Variants in HCN4 observed in about 807,000 individuals in gnomAD.
The protein encoded by HCN4 is hyperpolarization activated cyclic nucleotide gated potassium channel 4.
In HCN4, 29 loss-of-function variants were observed where a neutral mutation model predicts 76.9. The ratio of observed to expected loss-of-function variants is 0.38; its 90% CI spans 0.28 to 0.51. The LOEUF (loss-of-function observed/expected upper bound fraction) is 0.51, where lower values mean the gene tolerates loss of function less well. Ranked by LOEUF, HCN4 falls within the 20% of genes least tolerant of loss-of-function variation. The pLI, the probability that HCN4 is intolerant of heterozygous loss-of-function variation, is 0.90. For synonymous variants in HCN4, 772 were observed against 762.5 expected, an observed-to-expected ratio of 1.01 and a Z score of -0.21; for missense variants, 1,416 against 1,715.2, an observed-to-expected ratio of 0.83 and a Z score of 3.08.
intron 1 of HCN4, among the ~76,000 whole-genome samples, chr15:73,345,760 G>T (rs375679533): frequency 6.6e-6 from 1 of 152,132 alleles, no homozygotes; most frequent in East Asian, 1.9e-4. Flanking sequence ...AAAAACAAAA[G>T]AAAACAAATT....
intron 2 of HCN4, among the ~76,000 whole-genome samples, chr15:73,341,394 G>A (rs145756278): frequency 0.069 from 10,503 of 152,000 alleles, 430 homozygotes; most frequent in Middle Eastern, 0.075. Flanking sequence ...CACCCATCTC[G>A]GCCTCCCAAA....
chr15:73,366,637 G>A (rs995968054), intron 1 of HCN4, among the ~76,000 whole-genome samples: 32 of 152,178 alleles, frequency 2.1e-4, no homozygotes, highest in African/African-American at 7.2e-4. Context: ...AGTGGCATCC[G>A]ACTCAAGTGA....
intron 1 of HCN4, among the ~76,000 whole-genome samples, chr15:73,359,061 G>T (rs575599617): frequency 6.6e-6 from 1 of 152,196 alleles, no homozygotes; most frequent in Non-Finnish European, 1.5e-5. Context: ...TGAAAGCCTC[G>T]TTCACGCAGA....
rs1473914438 is a variant in HCN4 at position 73,323,591 on chromosome 15, A to G, written c.2502T>C (p.Pro834=). 6.2e-7 allele frequency: 1 copy of G among 1,601,664 alleles called. No homozygotes were observed. Among genetic ancestry groups the G allele is most frequent in the Non-Finnish European group, 8.5e-7 (1 of 1,179,698 alleles). ...CGGGCGAGGCGGAGCCCAGCGCAGA[A>G]GGGATCAGGGACTGCAGCCGTTTCA... ...RHLKRLQSLI[P]SALGSASPAS... The change falls in exon 8 of 8, where the codon CCT becomes CCC. Residue 834 remains proline (P), a synonymous_variant. Coordinates refer to ENST00000261917, the MANE Select transcript of HCN4 (RefSeq NM_005477.3).
At chr15:73,332,948 A>G (rs1177487836) in intron 2 of HCN4, among the ~76,000 whole-genome samples, 1 of 152,380 alleles carries the variant, frequency 6.6e-6, no homozygotes, top group Admixed American at 6.5e-5. Flanking sequence ...TAAATTATAC[A>G]TATAAAGTGC....
intron 1 of HCN4, among the ~76,000 whole-genome samples, chr15:73,352,735 A>G (rs2043060445): frequency 6.6e-6 from 1 of 152,156 alleles, no homozygotes; most frequent in East Asian, 1.9e-4. Context: ...AGGGGATTTT[A>G]GAAGTTCTCC....
intron 1 of HCN4, among the ~76,000 whole-genome samples, chr15:73,349,089 C>T (rs2043041617): frequency 6.6e-6 from 1 of 152,028 alleles, no homozygotes; most frequent in Non-Finnish European, 1.5e-5. Context: ...TAGCTGCTTC[C>T]ATGATGGCTT....
rs554029244 is a variant in HCN4, at chr15:73,340,237, G to A, written c.1209+3148C>T. Among the ~76,000 whole-genome samples the A allele has an allele frequency of 5.3e-5, 8 of 152,262 alleles. No homozygotes were observed. The South Asian group carries it at 6.2e-4, about 12-fold the overall frequency. ...AAAGACAAGCTTAGCTCCAACCCACGACTCACCCTGTCCAGCCACTGGCAT... is the reference window on the plus strand; with the variant it reads ...AAAGACAAGCTTAGCTCCAACCCACAACTCACCCTGTCCAGCCACTGGCAT... On this transcript the variant is annotated intron_variant, in intron 2 of 7. Coordinates refer to ENST00000261917, the MANE Select transcript of HCN4 (RefSeq NM_005477.3).
Position 73,359,257 on chromosome 15 carries a change from C to T in HCN4, c.785+8229G>A, listed in dbSNP as rs537961176. 2.0e-5 allele frequency among the ~76,000 whole-genome samples: 3 copies of T among 152,294 alleles called. No individual in the cohort carries two copies. The South Asian group carries it at 6.2e-4, about 32-fold the overall frequency. On this transcript the variant is annotated intron_variant, in intron 1 of 7. Transcript: ENST00000261917. The stretch of plus-strand genomic sequence containing the variant: ...GTCCCCCTATCCAGCCGGCACGGCT[C>T]GAGGTCCAGCCCTGACCCTGAGGGC...
rs2042853779 is a variant in HCN4 at position 73,320,955 on chromosome 15, C to A, written c.*1526G>T. On this transcript the variant is annotated 3_prime_UTR_variant, in exon 8 of 8. Coordinates refer to ENST00000261917, the MANE Select transcript of HCN4 (RefSeq NM_005477.3). ...AGTCTTGGAGCCCTCAGCCAAAGCT[C>A]CCTGGGCTCTCACATAGTTTGCTGG... 1 of 152,216 alleles carries A rather than the reference C, an allele frequency of 6.6e-6. No individual in the cohort carries two copies. Among genetic ancestry groups the A allele is most frequent in the Non-Finnish European group, 1.5e-5 (1 of 68,050 alleles). 9.4% of individuals were successfully genotyped at this position (152,216 alleles called of 1,614,324 possible). A position where few individuals can be genotyped will look rare whatever the true frequency, so the allele number is the denominator to read the frequency against.
intron 1 of HCN4, among the ~76,000 whole-genome samples, chr15:73,358,224 G>A (rs1047240090): frequency 5.9e-5 from 9 of 152,158 alleles, no homozygotes; most frequent in Non-Finnish European, 1.2e-4. Context: ...CCAGGCCCCA[G>A]GGGCAGTCTC....
At chr15:73,345,205 C>T (rs962639115) in intron 1 of HCN4, among the ~76,000 whole-genome samples, 1 of 152,160 alleles carries the variant, frequency 6.6e-6, no homozygotes, top group Non-Finnish European at 1.5e-5. Context: ...GTTTGCCAGA[C>T]TCAAAATGGG....
rs1447571299 is a variant in HCN4 at position 73,323,423 on chromosome 15, G to A, written c.2670C>T (p.Pro890=). The change falls in exon 8 of 8, where the codon CCC becomes CCT. Residue 890 remains proline (P), a synonymous_variant. Transcript: ENST00000261917. Reference sequence around the variant, plus strand: ...CGCCAGCTGATGGTGTGGGAGCCGAGGGGGAGCCACAGGCCCCGGGGGGTG... The same window carrying A: ...CGCCAGCTGATGGTGTGGGAGCCGAAGGGGAGCCACAGGCCCCGGGGGGTG... ...SSPPPGACGS[P]SAPTPSAGVA... is the part of the protein sequence containing the mutation. 12 of 1,607,574 alleles carry A rather than the reference G, an allele frequency of 7.5e-6. No homozygotes were observed. Among genetic ancestry groups the A allele is most frequent in the Non-Finnish European group, 1.0e-5 (12 of 1,177,686 alleles).
intron 1 of HCN4, among the ~76,000 whole-genome samples, chr15:73,357,370 G>A (rs79754742): frequency 0.011 from 1,668 of 152,188 alleles, 26 homozygotes; most frequent in African/African-American, 0.037. Flanking sequence ...CACGTTGAAC[G>A]GCTTTTCCTG....
rs780937713 is a variant in HCN4 at position 73,367,544 on chromosome 15, C to G, written c.727G>C (p.Glu243Gln). ...CCGGCCGACTTGACCCTCTCCTGTTCGCGCTCCACGGCTTTCTGGCTGCCG... is the reference window on the plus strand; with the variant it reads ...CCGGCCGACTTGACCCTCTCCTGTTGGCGCTCCACGGCTTTCTGGCTGCCG... ...MFGSQKAVER[E>Q]QERVKSAGFW... The change falls in exon 1 of 8, where the codon GAA becomes CAA. Residue 243 changes from glutamate (E) to glutamine (Q), a missense_variant. This residue lies in a region of HCN4 where 52 missense variants were observed against 129.1 expected (regional missense o/e 0.40). Transcript: ENST00000261917. This position sits in a 1 kb window ranked among gnomAD's most constrained non-coding sequence, Gnocchi z 7.5. The G allele has an allele frequency of 6.2e-7, 1 of 1,614,084 alleles. No individual in the cohort carries two copies. The highest frequency in any genetic ancestry group is 1.7e-5 in the Admixed American group (1 of 60,030).
At chr15:73,333,209 T>C (rs1171450129) in intron 2 of HCN4, among the ~76,000 whole-genome samples, 1 of 152,168 alleles carries the variant, frequency 6.6e-6, no homozygotes, top group African/African-American at 2.4e-5. Flanking sequence ...GCTGCCATGC[T>C]GGGGTCCCCT....
chr15:73,326,212 G>A (rs1406116962), intron 4 of HCN4, among the ~76,000 whole-genome samples: 1 of 152,026 alleles, frequency 6.6e-6, no homozygotes, highest in East Asian at 1.9e-4. Context: ...TATTGATTAG[G>A]CAACAACACA....
Position 73,321,149 on chromosome 15 carries a change from G to A in HCN4, c.*1332C>T, listed in dbSNP as rs915843332. 6.6e-6 allele frequency: 1 copy of A among 152,196 alleles called. No individual in the cohort carries two copies. The highest frequency in any genetic ancestry group is 2.4e-5 in the African/African-American group (1 of 41,444). 9.4% of individuals were successfully genotyped at this position (152,196 alleles called of 1,614,324 possible). ...ATAATTATTCCCATTTTACAAATGA[G>A]GTGACAGAAAGGTCAGATAACTTGC... On this transcript the variant is annotated 3_prime_UTR_variant, in exon 8 of 8. Coordinates refer to ENST00000261917, the MANE Select transcript of HCN4 (RefSeq NM_005477.3).
At chr15:73,347,582 G>C (rs1000434930) in intron 1 of HCN4, among the ~76,000 whole-genome samples, 1 of 152,216 alleles carries the variant, frequency 6.6e-6, no homozygotes, top group Non-Finnish European at 1.5e-5. Flanking sequence ...ATGTCCTATA[G>C]AAGGGAAAAC....
Sources: gnomAD v4.1 joint callset for allele counts (sites outside exome capture counted in the v4.1 genomes callset) on GRCh38, gnomAD v4.1.1 for gene constraint, gnomAD v4.1.1 regional missense constraint, Gnocchi (gnomAD v3.1) non-coding constraint, MANE v1.5 for transcripts, NCBI Gene and HGNC (gene_info 2026-07-23, HGNC 2026-07-21) for gene names.